The following MDGA2 variants were observed in gnomAD, a reference collection of about 807,000 sequenced individuals.
MDGA2 encodes MAM domain containing glycosylphosphatidylinositol anchor 2.
MDGA2 carries 40 observed loss-of-function variants against 117.8 expected under a neutral mutation model. That is an observed-to-expected ratio of 0.34 (90% CI 0.26 to 0.44). MDGA2 has a LOEUF of 0.44. Among genes scored for constraint, MDGA2 ranks in the 20% least tolerant of loss-of-function variants. MDGA2 has a pLI of 1.00. For missense variants in MDGA2, 1,123 were observed against 1,250.6 expected (o/e 0.90, Z 1.54); for synonymous variants, 452 against 439.0 (o/e 1.03, Z -0.37).
intron 1 of MDGA2, among the ~76,000 whole-genome samples, chr14:47,624,586 C>T (rs1212404450): frequency 6.6e-6 from 1 of 152,126 alleles, no homozygotes; most frequent in East Asian, 1.9e-4. Flanking sequence ...GTTCCAGAAC[C>T]TGAATATAAA....
intron 1 of MDGA2, among the ~76,000 whole-genome samples, chr14:47,557,556 G>C (rs1318984899): frequency 6.6e-6 from 1 of 152,158 alleles, no homozygotes; most frequent in African/African-American, 2.4e-5. Flanking sequence ...TGGTAGGAAA[G>C]GGAGGGGAGG....
intron 1 of MDGA2, among the ~76,000 whole-genome samples, chr14:47,539,293 A>T (rs1338132449): frequency 1.3e-5 from 2 of 152,222 alleles, no homozygotes; most frequent in African/African-American, 2.4e-5. Context: ...GCATTCTTGC[A>T]ATAGTAGCAA....
At chr14:47,110,296 C>T (rs1245267579) in intron 5 of MDGA2, among the ~76,000 whole-genome samples, 2 of 152,066 alleles carry the variant, frequency 1.3e-5, no homozygotes, top group Non-Finnish European at 2.9e-5. Flanking sequence ...ATAAAGGCTA[C>T]GTGGCTTTTT....
At chr14:46,943,078 T>C (rs76900335) in intron 9 of MDGA2, among the ~76,000 whole-genome samples, 2,168 of 152,216 alleles carry the variant, frequency 0.014, 58 homozygotes, top group African/African-American at 0.048. Context: ...TATTAATAGA[T>C]GTTCACATAA....
chr14:47,095,127 G>C (rs1216538711), intron 6 of MDGA2, among the ~76,000 whole-genome samples: 2 of 151,960 alleles, frequency 1.3e-5, no homozygotes, highest in Non-Finnish European at 2.9e-5. Context: ...GCCCATGGTA[G>C]TTGTGCAGTA....
At chr14:47,302,120 A>C (rs1889305086) in intron 1 of MDGA2, among the ~76,000 whole-genome samples, 1 of 152,174 alleles carries the variant, frequency 6.6e-6, no homozygotes, top group African/African-American at 2.4e-5. Context: ...TAAGCCATGG[A>C]AGAAGACAAT....
intron 1 of MDGA2, among the ~76,000 whole-genome samples, chr14:47,636,666 TC>T (rs1225024766): frequency 2.6e-5 from 4 of 151,610 alleles, no homozygotes; most frequent in Non-Finnish European, 5.9e-5. Flanking sequence ...GCGCCTGTAG[TC>T]CCAGCTACTC....
rs139355415 is a variant in MDGA2, at chr14:47,095,714, C to T, written c.1195+1140G>A. ...ACGCTATTCATAGTGTTTTGATTTA[C>T]ACTGTACCTTGAAATGTTTTGAATA... On this transcript the variant is annotated intron_variant, in intron 6 of 16. Transcript: ENST00000399232. Among the ~76,000 whole-genome samples, 632 of 152,032 alleles carry T rather than the reference C, an allele frequency of 4.2e-3. 3 individuals carry two copies. The highest frequency in any genetic ancestry group is 6.9e-3 in the Non-Finnish European group (470 of 67,938).
intron 7 of MDGA2, among the ~76,000 whole-genome samples, chr14:47,042,325 T>TG (rs1409123898): frequency 1.5e-5 from 2 of 133,464 alleles, no homozygotes; most frequent in African/African-American, 2.7e-5. Flanking sequence ...TTTTTTTTTT[T>TG]TTTGTGTGTG....
At chr14:47,426,710 A>G (rs1021761296) in intron 1 of MDGA2, among the ~76,000 whole-genome samples, 2 of 147,960 alleles carry the variant, frequency 1.4e-5, no homozygotes, top group Non-Finnish European at 3.0e-5. Flanking sequence ...ATATATATAT[A>G]TACATATATG....
intron 10 of MDGA2, 119 bp from the exon 11 acceptor site, chr14:46,882,340 T>A: frequency 1.3e-6 from 1 of 789,456 alleles, no homozygotes; most frequent in Non-Finnish European, 1.9e-6. Context: ...AATGAATACG[T>A]ATTATTAAAG....
At chr14:47,567,996 T>G (rs575323743) in intron 1 of MDGA2, among the ~76,000 whole-genome samples, 2 of 152,204 alleles carry the variant, frequency 1.3e-5, no homozygotes, top group South Asian at 2.1e-4. Flanking sequence ...CCTTACAGGT[T>G]TCCTGGGCTC....
At chr14:46,876,768 C>T in intron 12 of MDGA2, among the ~76,000 whole-genome samples, 1 of 151,376 alleles carries the variant, frequency 6.6e-6, no homozygotes, top group Middle Eastern at 3.2e-3. Flanking sequence ...AGAGACGATG[C>T]TCTTTAGTCC....
intron 1 of MDGA2, among the ~76,000 whole-genome samples, chr14:47,317,532 T>G (rs1307635368): frequency 6.6e-6 from 1 of 151,964 alleles, no homozygotes; most frequent in Non-Finnish European, 1.5e-5. Context: ...TTTGGAAGAG[T>G]TTACCTAAAG....
At chr14:47,464,192 A>T (rs965717013) in intron 1 of MDGA2, among the ~76,000 whole-genome samples, 4 of 151,704 alleles carry the variant, frequency 2.6e-5, no homozygotes, top group Non-Finnish European at 4.4e-5. Context: ...ATCAGAGCTG[A>T]CTGGACCTGA....
intron 15 of MDGA2, among the ~76,000 whole-genome samples, chr14:46,852,424 A>T (rs539816686): frequency 6.6e-6 from 1 of 151,776 alleles, no homozygotes; most frequent in South Asian, 2.1e-4. Context: ...ATCTGAGTTG[A>T]GGAGATGAGA....
chr14:47,065,689 C>T (rs952426556), intron 6 of MDGA2, among the ~76,000 whole-genome samples: 3 of 151,786 alleles, frequency 2.0e-5, no homozygotes, highest in African/African-American at 7.3e-5. Context: ...ATTGACAGAA[C>T]AAAAAAAGAC....
chr14:47,520,383 G>C (rs1320043487), intron 1 of MDGA2, among the ~76,000 whole-genome samples: 4 of 152,152 alleles, frequency 2.6e-5, no homozygotes, highest in Non-Finnish European at 5.9e-5. Context: ...CAAAAGCACA[G>C]TTGCTGCTAT....
At chr14:47,603,456 G>C (rs1388362728) in intron 1 of MDGA2, among the ~76,000 whole-genome samples, 1 of 152,160 alleles carries the variant, frequency 6.6e-6, no homozygotes, top group Non-Finnish European at 1.5e-5. Flanking sequence ...GGTCATATTT[G>C]ATATCACACT....
Sources: gnomAD v4.1 joint callset for allele counts (sites outside exome capture counted in the v4.1 genomes callset) on GRCh38, gnomAD v4.1.1 for gene constraint, MANE v1.5 for transcripts, NCBI Gene and HGNC (gene_info 2026-07-23, HGNC 2026-07-21) for gene names.